HECW2: variants seen among roughly 807,000 people sequenced by gnomAD.
HECW2 encodes the protein HECT, C2 and WW domain containing E3 ubiquitin protein ligase 2.
A neutral mutation model predicts 175.2 loss-of-function variants in HECW2; 61 were observed. That is an observed-to-expected ratio of 0.35 (90% CI 0.28 to 0.43). The LOEUF is 0.43. HECW2 is among the 20% of genes least tolerant of loss of function. The pLI, the probability that HECW2 is intolerant of heterozygous loss-of-function variation, is 1.00. For missense variants in HECW2, 1,524 were observed against 2,000.5 expected, an observed-to-expected ratio of 0.76 and a Z score of 4.54; for synonymous variants, 671 against 731.0, an observed-to-expected ratio of 0.92 and a Z score of 1.32.
intron 2 of HECW2, among the ~76,000 whole-genome samples, chr2:196,383,090 G>A (rs1476220370): frequency 6.6e-6 from 1 of 152,196 alleles, no homozygotes; most frequent in East Asian, 1.9e-4. Context: ...AATAAAAGTT[G>A]AAGCAGTGGA....
intron 19 of HECW2, among the ~76,000 whole-genome samples, chr2:196,242,983 G>T (rs537481435): frequency 1.3e-5 from 2 of 151,822 alleles, no homozygotes; most frequent in African/African-American, 4.8e-5. Flanking sequence ...GTGAGCCACC[G>T]CACCTGGCCT....
At chr2:196,212,662 T>G (rs1687334030) in intron 28 of HECW2, among the ~76,000 whole-genome samples, 1 of 152,202 alleles carries the variant, frequency 6.6e-6, no homozygotes, top group African/African-American at 2.4e-5. Flanking sequence ...AAGATACACA[T>G]GCATGTGTCT....
intron 28 of HECW2, among the ~76,000 whole-genome samples, chr2:196,208,127 C>T (rs535095953): frequency 1.7e-4 from 26 of 152,288 alleles, no homozygotes; most frequent in Middle Eastern, 6.8e-3. Context: ...ATAAAGTATC[C>T]GGCCAGCCCT....
chr2:196,300,201 G>A (rs1482174743), intron 13 of HECW2, among the ~76,000 whole-genome samples: 4 of 152,206 alleles, frequency 2.6e-5, no homozygotes. Flanking sequence ...AGGCCCAATG[G>A]CTAGCTGTCT....
At chr2:196,349,843 G>T (rs1359532188) in intron 2 of HECW2, among the ~76,000 whole-genome samples, 1 of 152,136 alleles carries the variant, frequency 6.6e-6, no homozygotes, top group Non-Finnish European at 1.5e-5. Context: ...GCTTGTTAAT[G>T]AGGTGAGAAA....
In HECW2 at chr2:196,194,323, C is replaced by T. The variant is rs1022507207; in HGVS notation, c.*6954G>A. On this transcript the variant is annotated 3_prime_UTR_variant, in exon 29 of 29. Transcript: ENST00000644978. ...CTTTATCTCTACTTCTATTCTCCTC[C>T]CTTCTGAGTTTTCCCTCCCCAAAAG... 15 of 151,884 alleles carry T rather than the reference C, an allele frequency of 9.9e-5. No individual in the cohort carries two copies. Among genetic ancestry groups the T allele is most frequent in the African/African-American group, 3.4e-4 (14 of 41,392 alleles). The allele number at this position is 151,884 out of a possible 1,614,324, so 9.4% of individuals were successfully genotyped here.
At chr2:196,463,039 T>G (rs1442922766) in intron 1 of HECW2, among the ~76,000 whole-genome samples, 3 of 152,182 alleles carry the variant, frequency 2.0e-5, no homozygotes, top group African/African-American at 4.8e-5. Context: ...TGGTAGAAAT[T>G]TAACTTGTAA....
intron 1 of HECW2, among the ~76,000 whole-genome samples, chr2:196,456,865 A>G (rs1696533689): frequency 6.6e-6 from 1 of 152,256 alleles, no homozygotes; most frequent in African/African-American, 2.4e-5. Flanking sequence ...AAAAGATGCT[A>G]CAAATTTAAG....
At chr2:196,486,498 T>A (rs1687012471) in intron 1 of HECW2, among the ~76,000 whole-genome samples, 4 of 152,200 alleles carry the variant, frequency 2.6e-5, no homozygotes, top group African/African-American at 9.6e-5. Flanking sequence ...GCCCATGCAT[T>A]ATTCCAGCAT....
intron 1 of HECW2, among the ~76,000 whole-genome samples, chr2:196,496,673 T>TTATAA (rs1434823734): frequency 6.6e-6 from 1 of 152,214 alleles, no homozygotes; most frequent in African/African-American, 2.4e-5. Context: ...CAGCTTATGT[T>TTATAA]GCTTTATAAT....
rs780453901 is a variant in HECW2, at chr2:196,215,970, G to A, written c.4502C>T (p.Thr1501Ile). ...EQRLRLLQFV[T>I]GTSSIPYEGF... ...TTCATAGGGAATGCTGGATGTGCCT[G>A]TAACAAACTGTCAACCCAAGAAAAC... The change falls in exon 28 of 29, where the codon ACA becomes ATA. Residue 1501 changes from threonine (T) to isoleucine (I), a missense_variant. This residue lies in a region of HECW2 where 134 missense variants were observed against 287.8 expected (regional missense o/e 0.47). Transcript: ENST00000644978. 6.2e-7 allele frequency: 1 copy of A among 1,610,730 alleles called. No homozygotes were observed. The highest frequency in any genetic ancestry group is 8.5e-7 in the Non-Finnish European group (1 of 1,177,088).
At chr2:196,205,748 G>C (rs953576556) in intron 28 of HECW2, among the ~76,000 whole-genome samples, 1 of 152,102 alleles carries the variant, frequency 6.6e-6, no homozygotes, top group African/African-American at 2.4e-5. Context: ...TGGGCCTGGG[G>C]GAATATGCAT....
chr2:196,196,256 T>G lies in HECW2; in HGVS notation c.*5021A>C, dbSNP rs1686686490. On this transcript the variant is annotated 3_prime_UTR_variant, in exon 29 of 29. Transcript: ENST00000644978. ...GCTCCTCTTTCCTCCTTTTTTATTT[T>G]TATCATCCTTTCAGTGGGCAGTAGC... is the stretch of plus-strand genomic sequence containing the variant. 6.6e-6 allele frequency: 1 copy of G among 152,288 alleles called. No individual in the cohort carries two copies. The highest frequency in any genetic ancestry group is 2.4e-5 in the African/African-American group (1 of 41,438). 9.4% of individuals were successfully genotyped at this position (152,288 alleles called of 1,614,324 possible). A position where few individuals can be genotyped will look rare whatever the true frequency, so the allele number is the denominator to read the frequency against.
At chr2:196,320,020 C>G (rs1219858137) in intron 8 of HECW2, 116 bp from the exon 9 acceptor site, 2 of 1,060,040 alleles carry the variant, frequency 1.9e-6, no homozygotes, top group Non-Finnish European at 2.6e-6. Context: ...TGAGGGCTTT[C>G]TACTGACTTG....
At chr2:196,226,930 A>C (rs1336252212) in intron 22 of HECW2, among the ~76,000 whole-genome samples, 1 of 152,160 alleles carries the variant, frequency 6.6e-6, no homozygotes, top group African/African-American at 2.4e-5. Flanking sequence ...TTATGACTGG[A>C]TTTGCTGCCT....
At chr2:196,229,994 C>A (rs6727304) in intron 21 of HECW2, among the ~76,000 whole-genome samples, 8,373 of 152,206 alleles carry the variant, frequency 0.055, 310 homozygotes, top group Non-Finnish European at 0.086. Context: ...ATTAAAAATC[C>A]TCACACCCAT....
At chr2:196,241,667 G>A (rs914344545) in intron 20 of HECW2, among the ~76,000 whole-genome samples, 2 of 152,222 alleles carry the variant, frequency 1.3e-5, no homozygotes, top group South Asian at 4.1e-4. Context: ...ATGTTCTGCT[G>A]TGAAGTTTGT....
intron 17 of HECW2, among the ~76,000 whole-genome samples, chr2:196,270,481 C>A (rs1023224143): frequency 6.6e-6 from 1 of 152,138 alleles, no homozygotes; most frequent in Non-Finnish European, 1.5e-5. Flanking sequence ...AGGTTCTAAT[C>A]TGTTTTTATT....
In HECW2 at chr2:196,334,515, T is replaced by C; in HGVS notation, c.404A>G (p.Glu135Gly). 6.3e-7 allele frequency: 1 copy of C among 1,594,922 alleles called. No individual in the cohort carries two copies. Among genetic ancestry groups the C allele is most frequent in the South Asian group, 1.1e-5 (1 of 88,106 alleles). ...GTAATATTTAAAACAGATTTTTATC[T>C]CCGCTGCAAAGCAATTGGAGAAAAC... ...IEPGPYFMEP[E>G]IKICFKYYHG... Residue 135 changes from glutamate to glycine, a missense_variant, in exon 4 of 29, where the codon GAG becomes GGG. Glu to Gly is a moderately conservative substitution (Grantham distance 98). Transcript: ENST00000644978.
Sources: gnomAD v4.1 joint callset for allele counts (sites outside exome capture counted in the v4.1 genomes callset) on GRCh38, gnomAD v4.1.1 for gene constraint, gnomAD v4.1.1 regional missense constraint, MANE v1.5 for transcripts, NCBI Gene and HGNC (gene_info 2026-07-23, HGNC 2026-07-21) for gene names.